Variants in SPTBN1 observed in about 807,000 individuals in gnomAD.
The protein encoded by SPTBN1 is spectrin beta chain, non-erythrocytic 1.
A neutral mutation model predicts 266.4 loss-of-function variants in SPTBN1; 32 were observed. That is an observed-to-expected ratio of 0.12 (90% confidence interval 0.09 to 0.16). The LOEUF (loss-of-function observed/expected upper bound fraction) is 0.16, where lower values mean the gene tolerates loss of function less well. SPTBN1 is among the 10% of genes least tolerant of loss of function. The pLI is 1.00. For missense variants in SPTBN1, 2,296 were observed against 3,067.1 expected (o/e 0.75, Z 5.94); for synonymous variants, 1,336 against 1,162.2 (o/e 1.15, Z -3.04).
chr2:54,470,366 C>T (rs1005489508), intron 1 of SPTBN1, among the ~76,000 whole-genome samples: 7 of 152,148 alleles, frequency 4.6e-5, no homozygotes, highest in East Asian at 1.9e-4. Flanking sequence ...ACTTTGTTCA[C>T]GTGAAATAAA....
chr2:54,649,434 G>A lies in SPTBN1; in HGVS notation c.5203-181G>A. On this transcript the variant is annotated intron_variant, in intron 25 of 35. Coordinates refer to ENST00000356805, the MANE Select transcript of SPTBN1 (RefSeq NM_003128.3). The surrounding 1 kb of genome is among the most constrained non-coding windows in gnomAD (Gnocchi z 6.7). ...AGGTAGTGCCTCACTCTGCTGCAGTGAGCAAGAAAGGAAACCCAGTTGCTA... is the reference window on the plus strand; with the variant it reads ...AGGTAGTGCCTCACTCTGCTGCAGTAAGCAAGAAAGGAAACCCAGTTGCTA... The A allele has an allele frequency of 9.3e-7, 1 of 1,075,784 alleles. No homozygotes were observed. 66.6% of individuals were successfully genotyped at this position (1,075,784 alleles called of 1,614,324 possible).
intron 2 of SPTBN1, among the ~76,000 whole-genome samples, chr2:54,592,078 G>T (rs1371355425): frequency 6.6e-6 from 1 of 152,214 alleles, no homozygotes; most frequent in African/African-American, 2.4e-5. Context: ...GAGGTGGGAA[G>T]ATTGCTTCAG....
intron 1 of SPTBN1, among the ~76,000 whole-genome samples, chr2:54,460,075 G>A (rs570415980): frequency 6.6e-6 from 1 of 152,092 alleles, no homozygotes; most frequent in Admixed American, 6.5e-5. Flanking sequence ...TGAGGTTCAC[G>A]GACCTTCAAC....
At chr2:54,494,908 GT>G (rs200669243) in intron 1 of SPTBN1, among the ~76,000 whole-genome samples, 7,846 of 106,172 alleles carry the variant, frequency 0.074, 609 homozygotes, top group African/African-American at 0.28. Context: ...GAATAAAGCT[GT>G]TTTTTTTTAA....
chr2:54,472,293 C>G (rs1022171584), intron 1 of SPTBN1, among the ~76,000 whole-genome samples: 7 of 152,082 alleles, frequency 4.6e-5, no homozygotes, highest in African/African-American at 1.7e-4. Flanking sequence ...TACCAAAGTG[C>G]TGGGATTACA....
chr2:54,670,223 C>T lies in SPTBN1; in HGVS notation c.*1654C>T, dbSNP rs1681643110. The T allele has an allele frequency of 6.6e-6, 1 of 150,766 alleles. No individual in the cohort carries two copies. Among genetic ancestry groups the T allele is most frequent in the South Asian group, 2.1e-4 (1 of 4,770 alleles). 9.3% of individuals were successfully genotyped at this position (150,766 alleles called of 1,614,324 possible). ...GACCAAAAAGAAGAAAAAAAAAAAA[C>T]AGGCAAGAGGTTAGGTTTGGCCCAT... On this transcript the variant is annotated 3_prime_UTR_variant, in exon 36 of 36. Coordinates refer to ENST00000356805, the MANE Select transcript of SPTBN1 (RefSeq NM_003128.3).
chr2:54,590,055 G>A (rs1286261188), intron 2 of SPTBN1, among the ~76,000 whole-genome samples: 2 of 152,172 alleles, frequency 1.3e-5, no homozygotes, highest in African/African-American at 2.4e-5. Flanking sequence ...TAATCACACC[G>A]TTGTGTATTT....
intron 2 of SPTBN1, chr2:54,559,030 T>G (rs1406188546): frequency 3.3e-6 from 3 of 911,928 alleles, no homozygotes; most frequent in African/African-American, 1.7e-5. Flanking sequence ...CATTCACGAC[T>G]TAGGGAAGGC....
chr2:54,613,113 A>G (rs935126675), intron 4 of SPTBN1, among the ~76,000 whole-genome samples: 1 of 152,194 alleles, frequency 6.6e-6, no homozygotes, highest in Non-Finnish European at 1.5e-5. Context: ...ACTGTGCACC[A>G]CCACGAGCCT....
intron 2 of SPTBN1, among the ~76,000 whole-genome samples, chr2:54,595,133 A>G (rs922687098): frequency 2.2e-4 from 34 of 152,256 alleles, no homozygotes; most frequent in African/African-American, 6.5e-4. Context: ...CACCTGGCCA[A>G]TTTCTTAAAT....
chr2:54,654,415 A>G (rs969365646), intron 27 of SPTBN1, among the ~76,000 whole-genome samples: 3 of 152,220 alleles, frequency 2.0e-5, no homozygotes, highest in Non-Finnish European at 4.4e-5. Flanking sequence ...AGGAACACAC[A>G]GGTACATATT....
At chr2:54,456,810 C>T (rs1693056996) in intron 1 of SPTBN1, among the ~76,000 whole-genome samples, 1 of 150,860 alleles carries the variant, frequency 6.6e-6, no homozygotes, top group Admixed American at 6.6e-5. Context: ...CGCACCGCTG[C>T]CGTCCGGCCC....
At position 54,649,777 on chromosome 2, in the gene SPTBN1, G is replaced by A. The variant is rs749223329; in HGVS notation, c.5365G>A (p.Asp1789Asn). 3 of 1,614,178 alleles carry A rather than the reference G, an allele frequency of 1.9e-6. No individual in the cohort carries two copies. The highest frequency in any genetic ancestry group is 1.1e-5 in the South Asian group (1 of 91,088). Residue 1789 changes from aspartate (D) to asparagine (N), a missense_variant, in exon 26 of 36, where the codon GAC (aspartate) becomes AAC (asparagine). Transcript: ENST00000356805. The surrounding 1 kb of genome is among the most constrained non-coding windows in gnomAD (Gnocchi z 6.7). ...WKDGLNEAWA[D>N]LLELIDTRTQ... ...GGATGGCCTCAATGAAGCCTGGGCC[G>A]ACCTCCTGGAGCTCATTGACACAAG...
intron 32 of SPTBN1, chr2:54,662,107 C>T (rs1681087919): frequency 2.0e-6 from 2 of 985,150 alleles, no homozygotes; most frequent in Admixed American, 6.2e-5. Flanking sequence ...TTAAGTATCT[C>T]GGGTGTGCCC....
intron 16 of SPTBN1, 38 bp from the exon 17 acceptor site, chr2:54,632,528 C>A: frequency 6.3e-7 from 1 of 1,597,288 alleles, no homozygotes; most frequent in Non-Finnish European, 8.6e-7. Flanking sequence ...TGAGATCCTT[C>A]ATTGATCTGC....
At position 54,557,356 on chromosome 2, in the gene SPTBN1, G is replaced by A. The variant is rs558238799; in HGVS notation, c.148+30790G>A. Among the ~76,000 whole-genome samples the A allele has an allele frequency of 8.6e-5, 13 of 151,476 alleles. No individual in the cohort carries two copies. The South Asian group carries it at 2.1e-3, about 24-fold the overall frequency. On this transcript the variant is annotated intron_variant, in intron 2 of 35. Coordinates refer to ENST00000356805, the MANE Select transcript of SPTBN1 (RefSeq NM_003128.3). ...GCTCCAAACTGGAAATGCCAAAAGTGTAATTTGTTGTCTGCCTGTTTAGGT... is the reference window on the plus strand; with the variant it reads ...GCTCCAAACTGGAAATGCCAAAAGTATAATTTGTTGTCTGCCTGTTTAGGT...
At chr2:54,530,720 G>C (rs1671184351) in intron 2 of SPTBN1, among the ~76,000 whole-genome samples, 1 of 152,102 alleles carries the variant, frequency 6.6e-6, no homozygotes, top group Admixed American at 6.5e-5. Context: ...CTCAGGAATT[G>C]CTTTTAATTC....
At chr2:54,667,540 G>A (rs1037616574) in intron 34 of SPTBN1, 64 bp from the exon 35 acceptor site, 43 of 1,480,762 alleles carry the variant, frequency 2.9e-5, no homozygotes, top group Non-Finnish European at 3.3e-5. Context: ...TGGGATATGG[G>A]AGTTGGGGGA....
In SPTBN1 at chr2:54,554,757, C is replaced by T. The variant is rs1002194676; in HGVS notation, c.148+28191C>T. 6.6e-6 allele frequency among the ~76,000 whole-genome samples: 1 copy of T among 152,144 alleles called. No individual in the cohort carries two copies. Among genetic ancestry groups the T allele is most frequent in the African/African-American group, 2.4e-5 (1 of 41,420 alleles). ...CACAGCACTTTTGATCTGTTCCATCCATATCTTTGAGCCATCTTCCCACTG... is the reference window on the plus strand; with the variant it reads ...CACAGCACTTTTGATCTGTTCCATCTATATCTTTGAGCCATCTTCCCACTG... On this transcript the variant is annotated intron_variant, in intron 2 of 35. Transcript: ENST00000356805. This position sits in a 1 kb window ranked among gnomAD's most constrained non-coding sequence, Gnocchi z 4.5.
Sources: allele counts gnomAD v4.1 joint callset (sites outside exome capture counted in the v4.1 genomes callset), GRCh38; gene constraint gnomAD v4.1.1; non-coding constraint Gnocchi (gnomAD v3.1); transcripts MANE v1.5; gene names NCBI Gene and HGNC (gene_info 2026-07-23, HGNC 2026-07-21).